ADAM10: variants seen among roughly 807,000 people sequenced by gnomAD.
ADAM10 encodes disintegrin and metalloproteinase domain-containing protein 10.
In ADAM10, 17 loss-of-function variants were observed where a neutral mutation model predicts 90.1. The ratio of observed to expected loss-of-function variants is 0.19; its 90% confidence interval spans 0.13 to 0.28. The LOEUF (loss-of-function observed/expected upper bound fraction) is 0.28. ADAM10 is among the 10% of genes least tolerant of loss of function. The pLI, the probability that ADAM10 is intolerant of heterozygous loss-of-function variation, is 1.00. For synonymous variants in ADAM10, 310 were observed against 298.6 expected, an observed-to-expected ratio of 1.04 and a Z score of -0.40; for missense variants, 610 against 914.3, an observed-to-expected ratio of 0.67 and a Z score of 4.29.
chr15:58,715,217 T>C (rs969443562), intron 2 of ADAM10, among the ~76,000 whole-genome samples: 8 of 151,506 alleles, frequency 5.3e-5, no homozygotes, highest in African/African-American at 1.7e-4. Context: ...AAATCAGGAG[T>C]TCGAGACCAG....
intron 1 of ADAM10, chr15:58,749,112 A>T (rs933235920): frequency 5.3e-5 from 21 of 397,660 alleles, no homozygotes; most frequent in Non-Finnish European, 9.3e-5. Flanking sequence ...GGCTGCCTGC[A>T]CCGGCGCCCG....
chr15:58,710,108 T>C (rs1198591028), intron 2 of ADAM10, among the ~76,000 whole-genome samples: 1 of 151,944 alleles, frequency 6.6e-6, no homozygotes, highest in Non-Finnish European at 1.5e-5. Context: ...TGAAACCCCA[T>C]CTCTACTAAA....
At chr15:58,632,607 C>G (rs1887847612) in intron 9 of ADAM10, among the ~76,000 whole-genome samples, 1 of 152,194 alleles carries the variant, frequency 6.6e-6, no homozygotes, top group Non-Finnish European at 1.5e-5. Context: ...GATCCCTGTT[C>G]TGAATCATGG....
intron 5 of ADAM10, among the ~76,000 whole-genome samples, chr15:58,658,047 A>G (rs1896875769): frequency 6.6e-6 from 1 of 152,132 alleles, no homozygotes; most frequent in African/African-American, 2.4e-5. Context: ...TGATGAAGTC[A>G]GTTTATACAT....
chr15:58,697,096 G>T (rs1024205120), intron 2 of ADAM10, among the ~76,000 whole-genome samples: 3 of 152,124 alleles, frequency 2.0e-5, no homozygotes, highest in African/African-American at 7.2e-5. Flanking sequence ...GTGCCCCAAG[G>T]AGGCCTAAGT....
chr15:58,621,725 C>G (rs1490948565), intron 10 of ADAM10, 104 bp from the exon 11 acceptor site: 1 of 1,406,672 alleles, frequency 7.1e-7, no homozygotes, highest in African/African-American at 1.4e-5. Flanking sequence ...TAAAGGAAAA[C>G]TTTGATGAAT....
chr15:58,745,004 G>T (rs1216609643), intron 1 of ADAM10, among the ~76,000 whole-genome samples: 1 of 152,230 alleles, frequency 6.6e-6, no homozygotes, highest in Non-Finnish European at 1.5e-5. Context: ...CCAATATGGT[G>T]AAACCCCGTC....
At chr15:58,608,672 A>G (rs1215628631) in intron 14 of ADAM10, among the ~76,000 whole-genome samples, 2 of 152,244 alleles carry the variant, frequency 1.3e-5, no homozygotes, top group Admixed American at 6.5e-5. Context: ...CATGTTGCCA[A>G]TTCATTGTGA....
At chr15:58,706,345 A>C (rs1261289962) in intron 2 of ADAM10, among the ~76,000 whole-genome samples, 1 of 152,200 alleles carries the variant, frequency 6.6e-6, no homozygotes, top group Admixed American at 6.5e-5. Context: ...GGCCTATGAC[A>C]GGCCTGGGTT....
At chr15:58,637,742 A>G (rs1166701379) in intron 8 of ADAM10, among the ~76,000 whole-genome samples, 1 of 152,072 alleles carries the variant, frequency 6.6e-6, no homozygotes, top group Non-Finnish European at 1.5e-5. Context: ...ACCTAGTAAT[A>G]TAATTACCAA....
intron 5 of ADAM10, among the ~76,000 whole-genome samples, chr15:58,655,725 A>ATAG (rs1555414935): frequency 2.1e-5 from 2 of 97,254 alleles, no homozygotes; most frequent in Non-Finnish European, 4.2e-5. Context: ...ATATATATAT[A>ATAG]TATATATATA....
intron 5 of ADAM10, among the ~76,000 whole-genome samples, chr15:58,658,405 T>C (rs887316334): frequency 3.3e-5 from 5 of 152,230 alleles, no homozygotes; most frequent in African/African-American, 1.2e-4. Flanking sequence ...TGTAACTTTA[T>C]ACTAAGTCTT....
chr15:58,683,938 C>T (rs911140015), intron 2 of ADAM10, among the ~76,000 whole-genome samples: 17 of 151,312 alleles, frequency 1.1e-4, no homozygotes, highest in African/African-American at 3.9e-4. Context: ...GTTACAGGAC[C>T]CCCAAGGATA....
chr15:58,642,671 C>A (rs1282840963), intron 7 of ADAM10, among the ~76,000 whole-genome samples: 1 of 152,230 alleles, frequency 6.6e-6, no homozygotes, highest in Non-Finnish European at 1.5e-5. Context: ...TAATACATAT[C>A]ATTTTCCTCA....
At chr15:58,610,634 TGTTATAC>T in intron 13 of ADAM10, 117 bp from the exon 14 acceptor site, 1 of 972,882 alleles carries the variant, frequency 1.0e-6, no homozygotes, top group South Asian at 1.4e-5. Context: ...TACCATAACA[TGTTATAC>T]AGACCTTCTC....
At chr15:58,735,913 A>G (rs956285564) in intron 1 of ADAM10, among the ~76,000 whole-genome samples, 5 of 152,226 alleles carry the variant, frequency 3.3e-5, no homozygotes, top group Non-Finnish European at 7.3e-5. Context: ...ATTTTCACAT[A>G]AAGACTTTAA....
At chr15:58,675,962 G>A (rs1481015524) in intron 4 of ADAM10, among the ~76,000 whole-genome samples, 2 of 152,126 alleles carry the variant, frequency 1.3e-5, no homozygotes, top group Admixed American at 6.5e-5. Context: ...ATACAATAAT[G>A]CAGTACTTTA....
intron 5 of ADAM10, among the ~76,000 whole-genome samples, chr15:58,653,423 G>A (rs1566981308): frequency 6.6e-6 from 1 of 152,100 alleles, no homozygotes; most frequent in South Asian, 2.1e-4. Context: ...ATTTTTATCA[G>A]GAAAGGATTT....
At position 58,643,971 on chromosome 15, in the gene ADAM10, C is replaced by T; in HGVS notation, c.743G>A (p.Ser248Asn). The change falls in exon 7 of 16, where the codon AGT (serine) becomes AAT (asparagine). Residue 248 changes from serine (S) to asparagine (N), a missense_variant. Physicochemically the swap from Ser to Asn is conservative, Grantham distance 46. Transcript: ENST00000260408. ...TREAVIAQISSHVKAIDTIYQ... is the reference protein window; with the variant it reads ...TREAVIAQISNHVKAIDTIYQ... Reference sequence around the variant, plus strand: ...AATTGTATCAATCGCTTTAACATGACTGGATATCTATGATTTAAAAAAAAG... The same window carrying T: ...AATTGTATCAATCGCTTTAACATGATTGGATATCTATGATTTAAAAAAAAG... 6.2e-7 allele frequency: 1 copy of T among 1,605,078 alleles called. No homozygotes were observed. Among genetic ancestry groups the T allele is most frequent in the Non-Finnish European group, 8.5e-7 (1 of 1,172,050 alleles).
Sources: allele counts gnomAD v4.1 joint callset (sites outside exome capture counted in the v4.1 genomes callset), GRCh38; gene constraint gnomAD v4.1.1; transcripts MANE v1.5; gene names NCBI Gene and HGNC (gene_info 2026-07-23, HGNC 2026-07-21).